RNF6: variants seen among roughly 807,000 people sequenced by gnomAD.
The protein encoded by RNF6 is E3 ubiquitin-protein ligase RNF6.
Under a neutral mutation model 50.1 loss-of-function variants are expected in RNF6, and 21 were observed. The ratio of observed to expected loss-of-function variants is 0.42; its 90% confidence interval spans 0.30 to 0.60. The LOEUF is 0.60. RNF6 is among the 20% of genes least tolerant of loss of function. The pLI, the probability that RNF6 is intolerant of heterozygous loss-of-function variation, is 0.20. For missense variants in RNF6, 698 were observed against 838.2 expected (o/e 0.83, Z 2.07); for synonymous variants, 255 against 291.8 (o/e 0.87, Z 1.29).
At chr13:26,178,811 C>T (rs891356475) in intron 5 of RNF6, among the ~76,000 whole-genome samples, 3 of 152,068 alleles carry the variant, frequency 2.0e-5, no homozygotes, top group African/African-American at 7.2e-5. Context: ...GAGCACCTGG[C>T]AGCCAGCATT....
At chr13:26,134,359 C>T (rs1373538976) in intron 5 of RNF6, among the ~76,000 whole-genome samples, 4 of 152,352 alleles carry the variant, frequency 2.6e-5, no homozygotes, top group East Asian at 1.9e-4. Flanking sequence ...CGGCCTTTGC[C>T]GGCATGGGTG....
rs557200924 is a variant in RNF6, at chr13:26,132,137, T to A, written n.1083A>T. On this transcript the variant is annotated non_coding_transcript_exon_variant, in exon 6 of 6. Coordinates refer to the RNF6 transcript ENST00000468480. ...AGCCATATTTAAGAATGCTTTTTTT[T>A]AATTACATAAATGCTTATTGCATTA... The A allele has an allele frequency of 6.2e-4, 119 of 191,742 alleles. 1 individual carries two copies. The highest frequency in any genetic ancestry group is 2.6e-3 in the African/African-American group (108 of 41,588). The allele number at this position is 191,742 out of a possible 1,614,324, so 11.9% of individuals were successfully genotyped here.
chr13:26,188,731 G>A (rs1410992186), intron 5 of RNF6, among the ~76,000 whole-genome samples: 3 of 133,368 alleles, frequency 2.2e-5, no homozygotes, highest in Non-Finnish European at 3.1e-5. Context: ...TTCAGTTCAA[G>A]CACTTATCCT....
chr13:26,190,724 TGATATGTGGG>T (rs1267511465), intron 5 of RNF6, among the ~76,000 whole-genome samples: 7 of 152,222 alleles, frequency 4.6e-5, no homozygotes, highest in African/African-American at 1.7e-4. Flanking sequence ...TGAACACCTA[TGATATGTGGG>T]TGCTATTCTA....
intron 5 of RNF6, among the ~76,000 whole-genome samples, chr13:26,180,254 T>C (rs1484582886): frequency 2.0e-5 from 3 of 152,200 alleles, no homozygotes; most frequent in Non-Finnish European, 4.4e-5. Flanking sequence ...TGTACACCTA[T>C]GCTGGGTATG....
At chr13:26,209,358 A>G (rs1869225992), downstream of RNF6, among the ~76,000 whole-genome samples, 1 of 152,184 alleles carries the variant, frequency 6.6e-6, no homozygotes, top group Non-Finnish European at 1.5e-5. Flanking sequence ...CATGAGACCC[A>G]TTGTTTCTAT....
intron 5 of RNF6, among the ~76,000 whole-genome samples, chr13:26,161,207 C>G (rs1179088956): frequency 6.6e-6 from 1 of 152,210 alleles, no homozygotes; most frequent in Non-Finnish European, 1.5e-5. Context: ...TGCCTCAATA[C>G]CATACTAGTT....
intron 5 of RNF6, among the ~76,000 whole-genome samples, chr13:26,138,236 T>G (rs185865870): frequency 1.3e-4 from 20 of 152,256 alleles, no homozygotes; most frequent in African/African-American, 4.6e-4. Context: ...TGTCAACCAA[T>G]AATTTTATAT....
chr13:26,142,307 T>A (rs957858602), intron 5 of RNF6: 6 of 152,222 alleles, frequency 3.9e-5, no homozygotes, highest in African/African-American at 1.4e-4. Flanking sequence ...TCAACCACTG[T>A]GGAAATATTT....
chr13:26,198,394 A>C (rs1487092317), intron 5 of RNF6, among the ~76,000 whole-genome samples: 1 of 151,918 alleles, frequency 6.6e-6, no homozygotes, highest in Non-Finnish European at 1.5e-5. Flanking sequence ...GCTTTACTCA[A>C]AATCCACTGA....
At position 26,188,623 on chromosome 13, in the gene RNF6, C is replaced by CTTTTTTTTTT. The variant is rs1163881143; in HGVS notation, n.768+26841_768+26850dup. ...GCTTTAGTTGGACAAGTCAAAAGAG[C>CTTTTTTTTTT]TTTTTTTTTTTTTTTTTTTTTTTTT... On this transcript the variant is annotated intron_variant and non_coding_transcript_variant, in intron 5 of 5. Coordinates refer to the RNF6 transcript ENST00000468480. Among the ~76,000 whole-genome samples, 196 of 43,254 alleles carry CTTTTTTTTTT rather than the reference C, an allele frequency of 4.5e-3. 49 individuals are homozygous for CTTTTTTTTTT. The highest frequency in any genetic ancestry group is 0.015 in the African/African-American group (140 of 9,158). 28.4% of individuals were successfully genotyped at this position (43,254 alleles called of 152,430 possible). A position where few individuals can be genotyped will look rare whatever the true frequency, so the allele number is the denominator to read the frequency against.
intron 5 of RNF6, among the ~76,000 whole-genome samples, chr13:26,143,331 A>G (rs1394662054): frequency 2.0e-5 from 3 of 152,198 alleles, no homozygotes; most frequent in African/African-American, 7.2e-5. Context: ...CTTAGTAGTC[A>G]GGATCAATCA....
intron 5 of RNF6, among the ~76,000 whole-genome samples, chr13:26,179,211 A>T (rs926577772): frequency 8.5e-5 from 13 of 152,212 alleles, no homozygotes; most frequent in Non-Finnish European, 1.6e-4. Context: ...TCTAGCTGCC[A>T]TAGCAGTCAT....
At chr13:26,164,386 G>A (rs2137616862) in intron 5 of RNF6, among the ~76,000 whole-genome samples, 1 of 152,196 alleles carries the variant, frequency 6.6e-6, no homozygotes, top group African/African-American at 2.4e-5. Context: ...TGTGTCAGGA[G>A]TATTTTCTCA....
intron 5 of RNF6, among the ~76,000 whole-genome samples, chr13:26,170,500 A>G (rs1872650931): frequency 6.7e-6 from 1 of 148,690 alleles, no homozygotes; most frequent in Non-Finnish European, 1.5e-5. Context: ...ATGCGTGAAG[A>G]TGGAGGAACA....
intron 5 of RNF6, among the ~76,000 whole-genome samples, chr13:26,164,492 G>A (rs542834187): frequency 2.5e-4 from 38 of 152,074 alleles, no homozygotes; most frequent in Non-Finnish European, 1.3e-4. Flanking sequence ...ATATAGTATT[G>A]TATTTTGATT....
chr13:26,179,954 G>A (rs1873157160), intron 5 of RNF6, among the ~76,000 whole-genome samples: 2 of 152,154 alleles, frequency 1.3e-5, no homozygotes, highest in South Asian at 4.1e-4. Flanking sequence ...AATCAAAGAA[G>A]GATCCTCAGG....
chr13:26,173,283 T>C (rs1209076138), intron 5 of RNF6, among the ~76,000 whole-genome samples: 1 of 152,238 alleles, frequency 6.6e-6, no homozygotes, highest in Non-Finnish European at 1.5e-5. Context: ...TCAGCCGTGC[T>C]TGTAACAGTG....
intron 5 of RNF6, among the ~76,000 whole-genome samples, chr13:26,195,423 A>C (rs193186552): frequency 6.6e-6 from 1 of 152,206 alleles, no homozygotes; most frequent in Non-Finnish European, 1.5e-5. Flanking sequence ...TGTAACACAC[A>C]TATAATAGGA....
Sources: gnomAD v4.1 joint callset for allele counts (sites outside exome capture counted in the v4.1 genomes callset) on GRCh38, gnomAD v4.1.1 for gene constraint, MANE v1.5 for transcripts, NCBI Gene and HGNC (gene_info 2026-07-23, HGNC 2026-07-21) for gene names.